PRKCB: variants seen among roughly 807,000 people sequenced by gnomAD.
PRKCB encodes protein kinase C beta type.
Under a neutral mutation model 81.5 loss-of-function variants are expected in PRKCB, and 13 were observed. The observed-to-expected ratio is 0.16, with a 90% CI of 0.10 to 0.25. The LOEUF (loss-of-function observed/expected upper bound fraction) is 0.25. Among genes scored for constraint, PRKCB ranks in the 10% least tolerant of loss-of-function variants. The probability of loss-of-function intolerance (pLI) is 1.00; values close to 1 mark genes in which losing one functional copy is unlikely to be tolerated. For synonymous variants in PRKCB, 335 were observed against 321.4 expected (o/e 1.04, Z -0.45); for missense variants, 509 against 875.7 (o/e 0.58, Z 5.29).
intron 8 of PRKCB, among the ~76,000 whole-genome samples, chr16:24,115,616 C>A (rs886449194): frequency 6.6e-6 from 1 of 151,420 alleles, no homozygotes; most frequent in Non-Finnish European, 1.5e-5. Flanking sequence ...AGCATTTATC[C>A]CAAGAGCATT....
intron 2 of PRKCB, among the ~76,000 whole-genome samples, chr16:23,857,367 G>T (rs1251497030): frequency 6.6e-6 from 1 of 152,174 alleles, no homozygotes; most frequent in Non-Finnish European, 1.5e-5. Context: ...CAGAGGGAGG[G>T]AGGAGGAGGT....
chr16:23,911,613 C>T (rs545116158), intron 2 of PRKCB, among the ~76,000 whole-genome samples: 3 of 152,160 alleles, frequency 2.0e-5, no homozygotes, highest in East Asian at 3.9e-4. Flanking sequence ...ACATGACAAA[C>T]GTCATAAACG....
At chr16:24,027,422 T>A (rs971922068) in intron 3 of PRKCB, among the ~76,000 whole-genome samples, 1 of 151,540 alleles carries the variant, frequency 6.6e-6, no homozygotes. Context: ...ACATGGCTGG[T>A]TAAGCTGCCA....
At chr16:24,028,387 C>G (rs1315862338) in intron 3 of PRKCB, among the ~76,000 whole-genome samples, 1 of 152,214 alleles carries the variant, frequency 6.6e-6, no homozygotes, top group Non-Finnish European at 1.5e-5. Flanking sequence ...CTGCTCCAGG[C>G]CACAAATTCA....
At position 24,214,834 on chromosome 16, in the gene PRKCB, C is replaced by T. The variant is rs773586102; in HGVS notation, c.*18C>T. 120 of 1,505,024 alleles carry T rather than the reference C, an allele frequency of 8.0e-5. No homozygotes were observed. The highest frequency in any genetic ancestry group is 1.0e-4 in the Non-Finnish European group (114 of 1,126,126). The allele number at this position is 1,505,024 out of a possible 1,614,324, so 93.2% of individuals were successfully genotyped here. On this transcript the variant is annotated 3_prime_UTR_variant, in exon 17 of 17. Coordinates refer to ENST00000643927, the MANE Select transcript of PRKCB (RefSeq NM_002738.7). ...AGAGCTAAGTAGATGTGTAGATCTC[C>T]GTCCTTCATTTCTGTCATTCAAGCT...
intron 2 of PRKCB, among the ~76,000 whole-genome samples, chr16:23,908,611 A>C (rs1963601256): frequency 6.6e-6 from 1 of 151,998 alleles, no homozygotes; most frequent in Non-Finnish European, 1.5e-5. Flanking sequence ...GGCTCACTGC[A>C]AGCTCCGCCT....
At chr16:24,037,858 GT>G (rs943835856) in intron 5 of PRKCB, among the ~76,000 whole-genome samples, 2 of 132,110 alleles carry the variant, frequency 1.5e-5, no homozygotes, top group Non-Finnish European at 3.3e-5. Context: ...AAGACAAGAC[GT>G]TTAAAAAAAA....
chr16:24,089,638 G>C (rs995882805), intron 5 of PRKCB, among the ~76,000 whole-genome samples: 1 of 152,074 alleles, frequency 6.6e-6, no homozygotes, highest in African/African-American at 2.4e-5. Context: ...TTAGGCATAG[G>C]TTGGCAAGCA....
rs1968232889 is a variant in PRKCB at position 24,216,675 on chromosome 16, G to A, written c.*1859G>A. 3 of 985,498 alleles carry A rather than the reference G, an allele frequency of 3.0e-6. No individual in the cohort carries two copies. The highest frequency in any genetic ancestry group is 3.6e-6 in the Non-Finnish European group (3 of 829,980). 61.0% of individuals were successfully genotyped at this position (985,498 alleles called of 1,614,324 possible). A position where few individuals can be genotyped will look rare whatever the true frequency, so the allele number is the denominator to read the frequency against. On this transcript the variant is annotated 3_prime_UTR_variant, in exon 17 of 17. Coordinates refer to ENST00000643927, the MANE Select transcript of PRKCB (RefSeq NM_002738.7). ...GTCCTCTTCTTGCTTCAGGCTTGGG[G>A]ACCGTCCCTGCTGTCCCCACTGTGG... is the stretch of plus-strand genomic sequence containing the variant.
intron 9 of PRKCB, among the ~76,000 whole-genome samples, chr16:24,126,965 A>AAGTT (rs1966845410): frequency 7.0e-6 from 1 of 141,904 alleles, no homozygotes; most frequent in African/African-American, 2.7e-5. Flanking sequence ...GAGCCACCGC[A>AAGTT]CCTGTCCTAA....
At chr16:23,967,698 G>C (rs1964505421) in intron 2 of PRKCB, among the ~76,000 whole-genome samples, 1 of 151,640 alleles carries the variant, frequency 6.6e-6, no homozygotes, top group Non-Finnish European at 1.5e-5. Flanking sequence ...TGTCACATAG[G>C]CTGGAGTGCA....
At chr16:23,986,741 G>A (rs574348728) in intron 2 of PRKCB, among the ~76,000 whole-genome samples, 1 of 151,892 alleles carries the variant, frequency 6.6e-6, no homozygotes, top group Non-Finnish European at 1.5e-5. Flanking sequence ...TTCCTCTGTT[G>A]AAAACTTTTC....
At chr16:23,967,795 G>A (rs1035183805) in intron 2 of PRKCB, among the ~76,000 whole-genome samples, 6 of 152,156 alleles carry the variant, frequency 3.9e-5, no homozygotes, top group African/African-American at 1.4e-4. Context: ...TGGGACTACA[G>A]GCACCCGCCA....
chr16:24,146,923 T>C (rs755273876), intron 9 of PRKCB, among the ~76,000 whole-genome samples: 10 of 152,092 alleles, frequency 6.6e-5, no homozygotes, highest in Non-Finnish European at 1.3e-4. Context: ...TAATAAGAGA[T>C]CATTTCCATT....
In PRKCB at chr16:24,036,592, T is replaced by C. The variant is rs1212341792; in HGVS notation, c.529+1045T>C. ...TGAGCCCTGGGTTGCGGAGGGGCTT[T>C]ACGTAGATTGTGTAAAAGCTGAAAA... On this transcript the variant is annotated intron_variant, in intron 5 of 16. Coordinates refer to ENST00000643927, the MANE Select transcript of PRKCB (RefSeq NM_002738.7). 3.9e-5 allele frequency among the ~76,000 whole-genome samples: 6 copies of C among 152,190 alleles called. No homozygotes were observed. The East Asian group carries it at 7.7e-4, about 20-fold the overall frequency.
chr16:23,851,435 G>T (rs966851942), intron 2 of PRKCB, among the ~76,000 whole-genome samples: 3 of 152,108 alleles, frequency 2.0e-5, no homozygotes, highest in African/African-American at 7.2e-5. Context: ...CTGTTCCATT[G>T]GTTGATGCAT....
At chr16:24,103,138 G>C (rs1470390879) in intron 7 of PRKCB, among the ~76,000 whole-genome samples, 1 of 152,208 alleles carries the variant, frequency 6.6e-6, no homozygotes. Context: ...CTCCCAAAGT[G>C]TTGGGATTAC....
intron 2 of PRKCB, 151 bp from the exon 3 acceptor site, chr16:23,988,357 G>T: frequency 1.6e-6 from 1 of 613,694 alleles, no homozygotes; most frequent in African/African-American, 1.8e-5. Context: ...CAAAGGACAA[G>T]CTGCAGAAGC....
At chr16:23,960,200 A>G (rs1964406702) in intron 2 of PRKCB, among the ~76,000 whole-genome samples, 1 of 152,202 alleles carries the variant, frequency 6.6e-6, no homozygotes, top group Non-Finnish European at 1.5e-5. Flanking sequence ...CCAGAATGGT[A>G]ACAAGCTCAC....
Sources: gnomAD v4.1 joint callset for allele counts (sites outside exome capture counted in the v4.1 genomes callset) on GRCh38, gnomAD v4.1.1 for gene constraint, MANE v1.5 for transcripts, NCBI Gene and HGNC (gene_info 2026-07-23, HGNC 2026-07-21) for gene names.